Variants in RBM4 observed in about 807,000 individuals in gnomAD.
The protein encoded by RBM4 is RNA-binding protein 4.
Under a neutral mutation model 29.5 loss-of-function variants are expected in RBM4, and 7 were observed. That is an observed-to-expected ratio of 0.24 (90% confidence interval 0.14 to 0.45). The LOEUF is 0.45. RBM4 is among the 20% of genes least tolerant of loss of function. The pLI, the probability that RBM4 is intolerant of heterozygous loss-of-function variation, is 1.00. For synonymous variants in RBM4, 220 were observed against 205.4 expected, an observed-to-expected ratio of 1.07 and a Z score of -0.61; for missense variants, 387 against 502.3, an observed-to-expected ratio of 0.77 and a Z score of 2.19.
intron 2 of RBM4, among the ~76,000 whole-genome samples, chr11:66,651,954 A>G (rs1938841786): frequency 6.6e-6 from 1 of 152,086 alleles, no homozygotes; most frequent in Non-Finnish European, 1.5e-5. Context: ...TTTAACATGA[A>G]TTTTGGGGGG....
At position 66,640,069 on chromosome 11, in the gene RBM4, C is replaced by T; in HGVS notation, c.358C>T (p.Arg120Trp). 1 of 1,614,138 alleles carries T rather than the reference C, an allele frequency of 6.2e-7. No individual in the cohort carries two copies. Among genetic ancestry groups the T allele is most frequent in the Non-Finnish European group, 8.5e-7 (1 of 1,180,026 alleles). Residue 120 changes from arginine (R) to tryptophan (W), a missense_variant, in exon 2 of 4, where the codon CGG (arginine) becomes TGG (tryptophan). Coordinates refer to ENST00000310092, the MANE Select transcript of RBM4 (RefSeq NM_002896.4). ...AGATTATGCCTTCGTACACATGGAGCGGGCAGAGGATGCAGTGGAGGCCAT... is the reference window on the plus strand; with the variant it reads ...AGATTATGCCTTCGTACACATGGAGTGGGCAGAGGATGCAGTGGAGGCCAT... The part of the protein sequence containing the change: ...VKDYAFVHME[R>W]AEDAVEAIRG...
downstream of RBM4, chr11:66,649,618 C>T (rs575533666): frequency 3.3e-6 from 2 of 608,620 alleles, no homozygotes; most frequent in Admixed American, 2.8e-5. Flanking sequence ...TGTTTTTATG[C>T]TTCCAATCAA....
exon 3 of RBM4, chr11:66,665,995 TA>T (rs1322280956): frequency 1.4e-6 from 2 of 1,468,804 alleles, no homozygotes; most frequent in African/African-American, 2.8e-5. Context: ...TGCACTATTC[TA>T]AATGTGTTTT....
At position 66,643,994 on chromosome 11, in the gene RBM4, C is replaced by T. The variant is rs777485002; in HGVS notation, c.957C>T (p.Pro319=). The change falls in exon 3 of 4, where the codon CCC becomes CCT. Residue 319 remains proline (P), a synonymous_variant. Transcript: ENST00000310092. The surrounding 1 kb of genome is among the most constrained non-coding windows in gnomAD (Gnocchi z 6.1). ...SPLRRATAPV[P]TVGEGYGYGH... ...TGCGTCGCGCTACAGCCCCAGTCCC[C>T]ACTGTTGGAGAGGGCTACGGTTACG... 6.2e-7 allele frequency: 1 copy of T among 1,613,546 alleles called. No homozygotes were observed. Among genetic ancestry groups the T allele is most frequent in the Admixed American group, 1.7e-5 (1 of 60,026 alleles).
At chr11:66,668,355 G>T (rs1939323347) in exon 3 of RBM4, 1 of 426,360 alleles carries the variant, frequency 2.3e-6, no homozygotes, top group Non-Finnish European at 4.2e-6. Context: ...GCTTACAACT[G>T]ATTAAAGAAT....
In RBM4 at chr11:66,644,114, G is replaced by T. The variant is rs200027726; in HGVS notation, c.1077G>T (p.Ala359=). The T allele has an allele frequency of 3.3e-5, 53 of 1,613,314 alleles. No homozygotes were observed. The African/African-American group carries it at 7.1e-4, about 22-fold the overall frequency. ...AGCGGGAGCAGTATGCCGATCGGGC[G>T]CGGTACTCAGCCTTTTAAAGCTTGA... ...RYEREQYADR[A]RYSAF Residue 359 remains alanine, a synonymous_variant, in exon 3 of 4, where the codon GCG becomes GCT. Transcript: ENST00000310092.
chr11:66,639,158 G>A (rs997524964), intron 1 of RBM4: 1 of 154,166 alleles, frequency 6.5e-6, no homozygotes, highest in Admixed American at 6.4e-5. Flanking sequence ...CCCCGAGAGA[G>A]GCGTTCACCA....
Position 66,646,442 on chromosome 11 carries a change from C to T in RBM4, c.*424C>T, listed in dbSNP as rs1397591601. ...AGAGTTGGATCACTTTTTTTCTTTCCGGTGAAATAAATGGTTTTTCAACTT... is the reference window on the plus strand; with the variant it reads ...AGAGTTGGATCACTTTTTTTCTTTCTGGTGAAATAAATGGTTTTTCAACTT... On this transcript the variant is annotated 3_prime_UTR_variant, in exon 4 of 4. Transcript: ENST00000310092. The T allele has an allele frequency of 3.9e-6, 4 of 1,020,732 alleles. No homozygotes were observed. The highest frequency in any genetic ancestry group is 5.6e-5 in the Admixed American group (1 of 18,016). 63.2% of individuals were successfully genotyped at this position (1,020,732 alleles called of 1,614,324 possible).
intron 2 of RBM4, chr11:66,640,454 A>G: frequency 4.1e-6 from 2 of 484,602 alleles, no homozygotes; most frequent in Non-Finnish European, 3.6e-6. Flanking sequence ...AGCACAGTTC[A>G]GAGTTCCTCA....
intron 2 of RBM4, among the ~76,000 whole-genome samples, chr11:66,662,396 T>TTTTATTTA (rs146773793): frequency 6.6e-6 from 1 of 151,914 alleles, no homozygotes; most frequent in African/African-American, 2.4e-5. Context: ...ATCAAGATAC[T>TTTTATTTA]TTTATTTATT....
At chr11:66,657,607 C>T (rs547157502) in intron 2 of RBM4, among the ~76,000 whole-genome samples, 15 of 141,228 alleles carry the variant, frequency 1.1e-4, no homozygotes, top group South Asian at 6.8e-4. Context: ...CACTTGAACC[C>T]GGGAGGTGGA....
At chr11:66,649,928 C>T, downstream of RBM4, 2 of 553,262 alleles carry the variant, frequency 3.6e-6, no homozygotes, top group Non-Finnish European at 3.2e-6. Context: ...TTTTTTTCCC[C>T]CATAGCATTT....
chr11:66,662,803 C>T (rs1939107330), intron 2 of RBM4, among the ~76,000 whole-genome samples: 1 of 152,190 alleles, frequency 6.6e-6, no homozygotes, highest in Non-Finnish European at 1.5e-5. Context: ...CTTGGCTCTG[C>T]ATAGTGCCTT....
chr11:66,647,146 T>C (rs766117308), downstream of RBM4, among the ~76,000 whole-genome samples: 1 of 152,252 alleles, frequency 6.6e-6, no homozygotes, highest in Non-Finnish European at 1.5e-5. Flanking sequence ...AACAGTTATT[T>C]GTCTTCCATA....
At chr11:66,655,676 A>AT (rs1224031633) in intron 2 of RBM4, among the ~76,000 whole-genome samples, 1 of 152,120 alleles carries the variant, frequency 6.6e-6, no homozygotes, top group Non-Finnish European at 1.5e-5. Context: ...GGTAGAGAGA[A>AT]TATCTTGAGC....
At chr11:66,642,686 A>C (rs1175089280) in intron 2 of RBM4, among the ~76,000 whole-genome samples, 1 of 152,208 alleles carries the variant, frequency 6.6e-6, no homozygotes, top group Non-Finnish European at 1.5e-5. Context: ...TGTTTTTTAC[A>C]GTATTCTAAA....
Position 66,646,345 on chromosome 11 carries a change from T to TGC in RBM4, c.*328_*329insCG. Reference sequence around the variant, plus strand: ...CCTGCCTCCTGCCTCCTGCGGCTGTTGGATTTGGGAATGACCTTGGTGAGA... The same window carrying TGC: ...CCTGCCTCCTGCCTCCTGCGGCTGTTGCGGATTTGGGAATGACCTTGGTGAGA... On this transcript the variant is annotated 3_prime_UTR_variant, in exon 4 of 4. Coordinates refer to ENST00000310092, the MANE Select transcript of RBM4 (RefSeq NM_002896.4). 7.9e-7 allele frequency: 1 copy of TGC among 1,260,304 alleles called. No homozygotes were observed. The highest frequency in any genetic ancestry group is 1.0e-6 in the Non-Finnish European group (1 of 996,172). The allele number at this position is 1,260,304 out of a possible 1,614,324, so 78.1% of individuals were successfully genotyped here.
chr11:66,661,901 G>A (rs912147638), intron 2 of RBM4, among the ~76,000 whole-genome samples: 4 of 152,072 alleles, frequency 2.6e-5, no homozygotes, highest in Non-Finnish European at 2.9e-5. Context: ...GTGGTGGCGC[G>A]CGACTGTGAT....
chr11:66,666,145 A>T (rs1939224735), exon 3 of RBM4: 5 of 743,332 alleles, frequency 6.7e-6, no homozygotes, highest in Non-Finnish European at 8.1e-6. Context: ...CAGTTCCAGT[A>T]GTTCCCCTAA....
Sources: gnomAD v4.1 joint callset for allele counts (sites outside exome capture counted in the v4.1 genomes callset) on GRCh38, gnomAD v4.1.1 for gene constraint, Gnocchi (gnomAD v3.1) non-coding constraint, MANE v1.5 for transcripts, NCBI Gene and HGNC (gene_info 2026-07-23, HGNC 2026-07-21) for gene names.